POU5F1: variants seen among roughly 807,000 people sequenced by gnomAD.
POU5F1 encodes the protein POU class 5 homeobox 1.
Under a neutral mutation model 38.3 loss-of-function variants are expected in POU5F1, and 6 were observed. The ratio of observed to expected loss-of-function variants is 0.16; its 90% confidence interval spans 0.09 to 0.31. POU5F1 has a LOEUF of 0.31. POU5F1 is among the 10% of genes least tolerant of loss of function. The probability of loss-of-function intolerance (pLI) is 1.00; values close to 1 mark genes in which losing one functional copy is unlikely to be tolerated. For missense variants in POU5F1, 286 were observed against 462.6 expected (o/e 0.62, Z 3.50); for synonymous variants, 147 against 194.9 (o/e 0.75, Z 2.05).
Position 31,165,254 on chromosome 6 carries a change from T to C in POU5F1, c.690A>G (p.Arg230=). The change falls in exon 4 of 5, where the codon CGA becomes CGG. Residue 230 remains arginine (R), a synonymous_variant. Coordinates refer to ENST00000259915, the MANE Select transcript of POU5F1 (RefSeq NM_002701.6). This position sits in a 1 kb window ranked among gnomAD's most constrained non-coding sequence, Gnocchi z 6.5. The part of the protein sequence containing the change: ...ICKAETLVQA[R]KRKRTSIENR... ...TCTCGATACTGGTTCGCTTTCTCTT[T>C]CGGGCCTGCACGAGGGTTTCTGCTT... 3 of 1,611,520 alleles carry C rather than the reference T, an allele frequency of 1.9e-6. No individual in the cohort carries two copies. The highest frequency in any genetic ancestry group is 2.7e-5 in the African/African-American group (2 of 75,026).
At position 31,165,335 on chromosome 6, in the gene POU5F1, G is replaced by T; in HGVS notation, c.658-49C>A. Reference sequence around the variant, plus strand: ...CAAGGGCAAGCTTTGGACTTGCTGAGTAACAGCATCACAGGGGTCTGTGAC... The same window carrying T: ...CAAGGGCAAGCTTTGGACTTGCTGATTAACAGCATCACAGGGGTCTGTGAC... On this transcript the variant is annotated intron_variant, in intron 3 of 4. Coordinates refer to ENST00000259915, the MANE Select transcript of POU5F1 (RefSeq NM_002701.6). The surrounding 1 kb of genome is among the most constrained non-coding windows in gnomAD (Gnocchi z 6.5). 1 of 1,592,842 alleles carries T rather than the reference G, an allele frequency of 6.3e-7. No homozygotes were observed. The highest frequency in any genetic ancestry group is 1.7e-4 in the Middle Eastern group (1 of 6,034).
chr6:31,165,070 G>A lies in POU5F1; in HGVS notation c.816+58C>T. 1 of 1,579,296 alleles carries A rather than the reference G, an allele frequency of 6.3e-7. No homozygotes were observed. The stretch of plus-strand genomic sequence containing the variant: ...AGCAGTTGGAGGAGCCAGAGCTAGG[G>A]AAAGCGAGGTGGTGACAGGGGAAAG... On this transcript the variant is annotated intron_variant, in intron 4 of 4. Coordinates refer to ENST00000259915, the MANE Select transcript of POU5F1 (RefSeq NM_002701.6). The surrounding 1 kb of genome is among the most constrained non-coding windows in gnomAD (Gnocchi z 6.5).
chr6:31,164,516 C>T lies in POU5F1; in HGVS notation c.*85G>A. 1 of 1,548,744 alleles carries T rather than the reference C, an allele frequency of 6.5e-7. No individual in the cohort carries two copies. On this transcript the variant is annotated 3_prime_UTR_variant, in exon 5 of 5. Transcript: ENST00000259915. The stretch of plus-strand genomic sequence containing the variant: ...TTCCTTAGTGAATGAAGAACTTAAT[C>T]CCAAAAACCCTGGCACAAACTCCAG...
chr6:31,170,246 C>A lies in POU5F1; in HGVS notation c.375G>T (p.Glu125Asp), dbSNP rs749854246. The stretch of plus-strand genomic sequence containing the variant: ...CCGGGTTTTGCTCCAGCTTCTCCTT[C>A]TCCAGCTTCACGGCACCAGGGGTGA... Reference protein sequence around the residue: ...CTVTPGAVKLEKEKLEQNPEE... With the variant: ...CTVTPGAVKLDKEKLEQNPEE... The change falls in exon 1 of 5, where the codon GAG becomes GAT. Residue 125 changes from glutamate (E) to aspartate (D), a missense_variant. This residue lies in a region of POU5F1 where 176 missense variants were observed against 184.8 expected (regional missense o/e 0.95). Transcript: ENST00000259915. 1 of 1,612,970 alleles carries A rather than the reference C, an allele frequency of 6.2e-7. No individual in the cohort carries two copies. The highest frequency in any genetic ancestry group is 8.5e-7 in the Non-Finnish European group (1 of 1,179,844).
Position 31,165,979 on chromosome 6 carries a change from G to A in POU5F1, c.474C>T (p.Ile158=), listed in dbSNP as rs1247046824. ...CATCGGCCTGTGTATATCCCAGGGT[G>A]ATCCTCTTCTGCTTCAGGAGCTTGG... ...QFAKLLKQKR[I]TLGYTQADVG... The change falls in exon 2 of 5, where the codon ATC becomes ATT. Residue 158 remains isoleucine, a synonymous_variant. Transcript: ENST00000259915. This position sits in a 1 kb window ranked among gnomAD's most constrained non-coding sequence, Gnocchi z 6.5. 6.2e-7 allele frequency: 1 copy of A among 1,614,224 alleles called. No individual in the cohort carries two copies. The highest frequency in any genetic ancestry group is 1.1e-5 in the South Asian group (1 of 91,084).
rs1777042927 is a variant in POU5F1 at position 31,164,523 on chromosome 6, A to C, written c.*78T>G. On this transcript the variant is annotated 3_prime_UTR_variant, in exon 5 of 5. Transcript: ENST00000259915. The stretch of plus-strand genomic sequence containing the variant: ...GTGAATGAAGAACTTAATCCCAAAA[A>C]CCCTGGCACAAACTCCAGGTTTTCT... 6.5e-7 allele frequency: 1 copy of C among 1,545,618 alleles called. No homozygotes were observed.
rs1777103808 is a variant in POU5F1, at chr6:31,164,952, CA to C, written c.817-86del. ...TCTGCTTGGACATTCTATCCAAAGC[CA>C]ACAGCCCTAGAGCAGTTAGAGGAGG... On this transcript the variant is annotated intron_variant, in intron 4 of 4. Transcript: ENST00000259915. 3.8e-6 allele frequency: 6 copies of C among 1,561,566 alleles called. No homozygotes were observed. In the South Asian group the frequency reaches 7.0e-5, roughly 18 times the overall value.
At chr6:31,166,320 CAGAA>C (rs1471206311) in intron 1 of POU5F1, 13 of 1,470,882 alleles carry the variant, frequency 8.8e-6, no homozygotes, top group Admixed American at 4.3e-5. Flanking sequence ...CGTGAAAGGA[CAGAA>C]AGAGAGACCC....
At position 31,164,476 on chromosome 6, in the gene POU5F1, T is replaced by G. The variant is rs1777041138; in HGVS notation, c.*125A>C. Reference sequence around the variant, plus strand: ...CCCAAACTCCCCTGCCCCCACCCTTTGTGTTCCCAATTCCTTCCTTAGTGA... The same window carrying G: ...CCCAAACTCCCCTGCCCCCACCCTTGGTGTTCCCAATTCCTTCCTTAGTGA... On this transcript the variant is annotated 3_prime_UTR_variant, in exon 5 of 5. Coordinates refer to ENST00000259915, the MANE Select transcript of POU5F1 (RefSeq NM_002701.6). 2.2e-6 allele frequency: 3 copies of G among 1,353,564 alleles called. No individual in the cohort carries two copies. Among genetic ancestry groups the G allele is most frequent in the South Asian group, 2.7e-5 (2 of 72,886 alleles). 83.8% of individuals were successfully genotyped at this position (1,353,564 alleles called of 1,614,324 possible). A position where few individuals can be genotyped will look rare whatever the true frequency, so the allele number is the denominator to read the frequency against.
chr6:31,169,997 G>T lies in POU5F1; in HGVS notation c.405+219C>A, dbSNP rs3094193. The stretch of plus-strand genomic sequence containing the variant: ...TCTCCCAGGCTGCTCTGCCCTCACC[G>T]GCAGTTGTCTCTTCGAAATCCAGCT... On this transcript the variant is annotated intron_variant, in intron 1 of 4. Coordinates refer to ENST00000259915, the MANE Select transcript of POU5F1 (RefSeq NM_002701.6). 0.61 allele frequency: 425,036 copies of T among 700,508 alleles called. 130,552 individuals carry two copies. The highest frequency in any genetic ancestry group is 0.69 in the African/African-American group (38,263 of 55,658). 43.4% of individuals were successfully genotyped at this position (700,508 alleles called of 1,614,324 possible).
At chr6:31,169,233 T>A (rs1347074197) in intron 1 of POU5F1, among the ~76,000 whole-genome samples, 1 of 152,162 alleles carries the variant, frequency 6.6e-6, no homozygotes, top group East Asian at 1.9e-4. Context: ...ACTTAGGAAG[T>A]GGACCACAAT....
chr6:31,165,280 T>C lies in POU5F1; in HGVS notation c.664A>G (p.Lys222Glu). 6.2e-7 allele frequency: 1 copy of C among 1,609,860 alleles called. No homozygotes were observed. The highest frequency in any genetic ancestry group is 2.2e-5 in the East Asian group (1 of 44,854). ...CGGGCCTGCACGAGGGTTTCTGCTTTGCATATCTGTGCAGGTGGGAAGGGG... is the reference window on the plus strand; with the variant it reads ...CGGGCCTGCACGAGGGTTTCTGCTTCGCATATCTGTGCAGGTGGGAAGGGG... ...DNNENLQEIC[K>E]AETLVQARKR... is the part of the protein sequence containing the mutation. The change falls in exon 4 of 5, where the codon AAA becomes GAA. Residue 222 changes from lysine (K) to glutamate (E), a missense_variant. Physicochemically the swap from Lys to Glu is moderately conservative, Grantham distance 56 (BLOSUM62 1). This residue lies in a region of POU5F1 where 110 missense variants were observed against 277.8 expected (regional missense o/e 0.40). Coordinates refer to ENST00000259915, the MANE Select transcript of POU5F1 (RefSeq NM_002701.6). The surrounding 1 kb of genome is among the most constrained non-coding windows in gnomAD (Gnocchi z 6.5).
Position 31,164,461 on chromosome 6 carries a change from C to A in POU5F1, c.*140G>T. On this transcript the variant is annotated 3_prime_UTR_variant, in exon 5 of 5. Coordinates refer to ENST00000259915, the MANE Select transcript of POU5F1 (RefSeq NM_002701.6). ...CCTCCAACCAGTTGCCCCAAACTCC[C>A]CTGCCCCCACCCTTTGTGTTCCCAA... 8.4e-7 allele frequency: 1 copy of A among 1,192,080 alleles called. No homozygotes were observed. The highest frequency in any genetic ancestry group is 1.2e-6 in the Non-Finnish European group (1 of 855,934). The allele number at this position is 1,192,080 out of a possible 1,614,324, so 73.8% of individuals were successfully genotyped here.
intron 1 of POU5F1, among the ~76,000 whole-genome samples, chr6:31,167,953 T>TG (rs1554135981): frequency 1.0e-3 from 155 of 150,894 alleles, no homozygotes; most frequent in African/African-American, 3.5e-3. Flanking sequence ...ACCCTTTTTC[T>TG]CCCCACCAAG....
intron 1 of POU5F1, among the ~76,000 whole-genome samples, chr6:31,168,731 G>A (rs1350932858): frequency 2.0e-5 from 3 of 152,170 alleles, no homozygotes; most frequent in Non-Finnish European, 2.9e-5. Flanking sequence ...TGATCAGGGT[G>A]GAGCAGTTCA....
Position 31,165,196 on chromosome 6 carries a change from G to T in POU5F1, c.748C>A (p.Leu250Met), listed in dbSNP as rs1325738578. ...TGCAGTGTGGGTTTCGGGCACTGCA[G>T]GAACAAATTCTCCAGGTTGCCTCTC... ...RVRGNLENLFLQCPKPTLQQI... is the reference protein window; with the variant it reads ...RVRGNLENLFMQCPKPTLQQI... The change falls in exon 4 of 5, where the codon CTG becomes ATG. Residue 250 changes from leucine (L) to methionine (M), a missense_variant. Physicochemically the swap from Leu to Met is conservative, Grantham distance 15. This residue lies in a region of POU5F1 where 110 missense variants were observed against 277.8 expected (regional missense o/e 0.40). Transcript: ENST00000259915. The surrounding 1 kb of genome is among the most constrained non-coding windows in gnomAD (Gnocchi z 6.5). 1 of 1,609,848 alleles carries T rather than the reference G, an allele frequency of 6.2e-7. No homozygotes were observed. Among genetic ancestry groups the T allele is most frequent in the African/African-American group, 1.3e-5 (1 of 74,838 alleles).
chr6:31,166,217 T>C, intron 1 of POU5F1, 170 bp from the exon 2 acceptor site: 3 of 1,555,680 alleles, frequency 1.9e-6, no homozygotes, highest in Non-Finnish European at 2.6e-6. Context: ...TACCCACAAA[T>C]GTCATTCACC....
intron 1 of POU5F1, among the ~76,000 whole-genome samples, chr6:31,167,724 A>C (rs971272950): frequency 6.6e-6 from 1 of 151,688 alleles, no homozygotes; most frequent in Non-Finnish European, 1.5e-5. Flanking sequence ...TAAAAAAAAA[A>C]TAAAGCAGTC....
At chr6:31,168,293 T>G (rs1045880587) in intron 1 of POU5F1, among the ~76,000 whole-genome samples, 5 of 149,482 alleles carry the variant, frequency 3.3e-5, no homozygotes, top group African/African-American at 1.2e-4. Context: ...TGGAGTGCAC[T>G]GGCGCGATCT....
Sources: gnomAD v4.1 joint callset for allele counts (sites outside exome capture counted in the v4.1 genomes callset) on GRCh38, gnomAD v4.1.1 for gene constraint, gnomAD v4.1.1 regional missense constraint, Gnocchi (gnomAD v3.1) non-coding constraint, MANE v1.5 for transcripts, NCBI Gene and HGNC (gene_info 2026-07-23, HGNC 2026-07-21) for gene names.